The following AKAP13 variants were observed in gnomAD, a reference collection of about 807,000 sequenced individuals.
AKAP13 encodes the protein A-kinase anchoring protein 13.
Under a neutral mutation model 264.5 loss-of-function variants are expected in AKAP13, and 80 were observed. The ratio of observed to expected loss-of-function variants is 0.30; its 90% confidence interval spans 0.25 to 0.36. AKAP13 has a LOEUF of 0.36. AKAP13 is among the 10% of genes least tolerant of loss of function. The pLI is 1.00. For synonymous variants in AKAP13, 1,380 were observed against 1,250.2 expected, an observed-to-expected ratio of 1.10 and a Z score of -2.19; for missense variants, 3,712 against 3,435.2, an observed-to-expected ratio of 1.08 and a Z score of -2.01.
intron 35 of AKAP13, among the ~76,000 whole-genome samples, chr15:85,742,941 C>G (rs1029208647): frequency 2.0e-5 from 3 of 152,086 alleles, no homozygotes; most frequent in Non-Finnish European, 4.4e-5. Flanking sequence ...GGATTCCACC[C>G]CCATCCCAAT....
chr15:85,552,827 G>A (rs2151237603), intron 5 of AKAP13, among the ~76,000 whole-genome samples: 1 of 151,732 alleles, frequency 6.6e-6, no homozygotes, highest in Admixed American at 6.5e-5. Flanking sequence ...GTGTTAGCCA[G>A]GATGGATTTA....
At chr15:85,467,281 T>A (rs954775494) in intron 1 of AKAP13, among the ~76,000 whole-genome samples, 2 of 147,696 alleles carry the variant, frequency 1.4e-5, no homozygotes, top group Non-Finnish European at 3.1e-5. Flanking sequence ...TATTCAGTAC[T>A]TGGTACATGG....
rs1261369343 is a variant in AKAP13 at position 85,650,782 on chromosome 15, AAAAAAAAACAAC to A, written c.4375-4629_4375-4618del. Among the ~76,000 whole-genome samples the A allele has an allele frequency of 1.6e-4, 23 of 145,254 alleles. 1 individual carries two copies. The highest frequency in any genetic ancestry group is 2.9e-4 in the Non-Finnish European group (19 of 65,706). ...AAAAAAAAAAAAAAAAAAAAAAAAA[AAAAAAAAACAAC>A]AAAAACTGCAATTGCCTGTGCACAA... On this transcript the variant is annotated intron_variant, in intron 10 of 36. Coordinates refer to ENST00000394518, the MANE Select transcript of AKAP13 (RefSeq NM_007200.5).
chr15:85,461,444 C>T (rs2074509538), intron 1 of AKAP13, among the ~76,000 whole-genome samples: 2 of 152,118 alleles, frequency 1.3e-5, no homozygotes, highest in Admixed American at 6.6e-5. Flanking sequence ...ATCCTCAGAA[C>T]TTTGCACAGT....
chr15:85,549,931 T>G (rs541010412), intron 5 of AKAP13, among the ~76,000 whole-genome samples: 1 of 152,160 alleles, frequency 6.6e-6, no homozygotes, highest in Admixed American at 6.5e-5. Context: ...GATTGATTGA[T>G]TGATTGAGAC....
chr15:85,580,261 T>C lies in AKAP13; in HGVS notation c.2193T>C (p.Phe731=). 1 of 1,614,228 alleles carries C rather than the reference T, an allele frequency of 6.2e-7. No individual in the cohort carries two copies. Residue 731 remains phenylalanine, a synonymous_variant, in exon 7 of 37, where the codon TTT becomes TTC. Coordinates refer to ENST00000394518, the MANE Select transcript of AKAP13 (RefSeq NM_007200.5). ...PVRDTQERAD[F]CPFKVVDNKG... ...GGGATACCCAGGAACGTGCGGATTTTTGTCCTTTCAAAGTGGTGGATAACA... is the reference window on the plus strand; with the variant it reads ...GGGATACCCAGGAACGTGCGGATTTCTGTCCTTTCAAAGTGGTGGATAACA...
At chr15:85,412,889 C>T (rs780534704) in intron 1 of AKAP13, among the ~76,000 whole-genome samples, 1 of 152,232 alleles carries the variant, frequency 6.6e-6, no homozygotes, top group Non-Finnish European at 1.5e-5. Flanking sequence ...TATATTATCT[C>T]CTCTAACCTT....
intron 10 of AKAP13, among the ~76,000 whole-genome samples, chr15:85,652,902 T>C (rs1046057412): frequency 5.3e-5 from 8 of 152,180 alleles, no homozygotes; most frequent in African/African-American, 1.9e-4. Flanking sequence ...TGGGGACATT[T>C]TGGATCCACC....
chr15:85,437,283 C>T (rs924139362), intron 1 of AKAP13, among the ~76,000 whole-genome samples: 5 of 151,130 alleles, frequency 3.3e-5, no homozygotes, highest in African/African-American at 1.2e-4. Context: ...GAAGTTGAAT[C>T]TCTGAATAGA....
chr15:85,699,215 G>A (rs1219841486), intron 17 of AKAP13, among the ~76,000 whole-genome samples: 1 of 151,778 alleles, frequency 6.6e-6, no homozygotes, highest in Non-Finnish European at 1.5e-5. Context: ...AGGCTGAGAC[G>A]GGCAGAACAC....
At chr15:85,492,209 A>G (rs909011968) in intron 2 of AKAP13, among the ~76,000 whole-genome samples, 1 of 152,238 alleles carries the variant, frequency 6.6e-6, no homozygotes, top group Admixed American at 6.5e-5. Context: ...AAAAGATTTA[A>G]TGGGTTTTAT....
chr15:85,687,066 T>A (rs1053574065), intron 16 of AKAP13, among the ~76,000 whole-genome samples: 8 of 152,138 alleles, frequency 5.3e-5, no homozygotes, highest in Non-Finnish European at 7.3e-5. Context: ...ACTCATCTCA[T>A]GGATAAGGTA....
intron 1 of AKAP13, among the ~76,000 whole-genome samples, chr15:85,398,384 G>C (rs1596040263): frequency 6.6e-6 from 1 of 152,246 alleles, no homozygotes; most frequent in South Asian, 2.1e-4. Context: ...ACACTACCTA[G>C]AGAAAATTGT....
At chr15:85,466,658 C>T (rs1157651081) in intron 1 of AKAP13, among the ~76,000 whole-genome samples, 1 of 152,054 alleles carries the variant, frequency 6.6e-6, no homozygotes, top group Non-Finnish European at 1.5e-5. Context: ...GTTTTGTATC[C>T]CTCTTCCCAT....
At chr15:85,422,228 G>A (rs1207683781) in intron 1 of AKAP13, among the ~76,000 whole-genome samples, 1 of 152,184 alleles carries the variant, frequency 6.6e-6, no homozygotes, top group Admixed American at 6.5e-5. Flanking sequence ...ATTACAGTAT[G>A]GGGGTGCTGT....
intron 19 of AKAP13, among the ~76,000 whole-genome samples, chr15:85,714,694 T>C (rs555826211): frequency 4.6e-5 from 7 of 152,298 alleles, no homozygotes; most frequent in African/African-American, 1.7e-4. Context: ...TGGGGCCAGG[T>C]GCAGTGGCTC....
Position 85,385,779 on chromosome 15 carries a change from G to A in AKAP13, c.-12+4981G>A, listed in dbSNP as rs561731253. ...TACTTTGGAATCAAATACATGATTTGCAGATATTTTCTCCTAGTCTGTTTT... is the reference window on the plus strand; with the variant it reads ...TACTTTGGAATCAAATACATGATTTACAGATATTTTCTCCTAGTCTGTTTT... On this transcript the variant is annotated intron_variant, in intron 1 of 36. Transcript: ENST00000394518. Among the ~76,000 whole-genome samples, 9 of 152,200 alleles carry A rather than the reference G, an allele frequency of 5.9e-5. 1 individual carries two copies. In the East Asian group the frequency reaches 1.7e-3, roughly 29 times the overall value.
chr15:85,737,733 G>A (rs762529901), intron 33 of AKAP13, among the ~76,000 whole-genome samples: 1 of 152,054 alleles, frequency 6.6e-6, no homozygotes, highest in Non-Finnish European at 1.5e-5. Context: ...CACGTCCCAG[G>A]TTCAAGCAAT....
At chr15:85,730,927 T>TG (rs2087957971) in intron 30 of AKAP13, among the ~76,000 whole-genome samples, 1 of 151,628 alleles carries the variant, frequency 6.6e-6, no homozygotes. Flanking sequence ...CCACATGCTC[T>TG]GTCCCCATCA....
Sources: gnomAD v4.1 joint callset for allele counts (sites outside exome capture counted in the v4.1 genomes callset) on GRCh38, gnomAD v4.1.1 for gene constraint, MANE v1.5 for transcripts, NCBI Gene and HGNC (gene_info 2026-07-23, HGNC 2026-07-21) for gene names.